SERPINI1: variants seen among roughly 807,000 people sequenced by gnomAD.
SERPINI1 encodes neuroserpin.
SERPINI1 carries 19 observed loss-of-function variants against 41.1 expected under a neutral mutation model. The ratio of observed to expected loss-of-function variants is 0.46; its 90% CI spans 0.32 to 0.68. The LOEUF (loss-of-function observed/expected upper bound fraction) is 0.68, where lower values mean the gene tolerates loss of function less well. Ranked by LOEUF, SERPINI1 falls within the 30% of genes least tolerant of loss-of-function variation. The pLI is 0.03. For synonymous variants in SERPINI1, 138 were observed against 156.6 expected (o/e 0.88, Z 0.89); for missense variants, 460 against 479.2 (o/e 0.96, Z 0.37).
chr3:167,787,215 T>C (rs1162725802), intron 1 of SERPINI1, among the ~76,000 whole-genome samples: 3 of 152,164 alleles, frequency 2.0e-5, no homozygotes, highest in Admixed American at 6.5e-5. Flanking sequence ...TCATCTCCTG[T>C]GATAACAATG....
intron 1 of SERPINI1, among the ~76,000 whole-genome samples, chr3:167,739,785 G>A (rs1360015442): frequency 6.6e-6 from 1 of 152,054 alleles, no homozygotes; most frequent in East Asian, 1.9e-4. Flanking sequence ...TTGGTCATTA[G>A]TTGTTTTTTG....
At chr3:167,738,615 A>G (rs373644722) in intron 1 of SERPINI1, among the ~76,000 whole-genome samples, 1 of 151,924 alleles carries the variant, frequency 6.6e-6, no homozygotes, top group Non-Finnish European at 1.5e-5. Context: ...ATTAATTTGT[A>G]GAGGCCTGTA....
chr3:167,806,490 A>C (rs1002760843), intron 5 of SERPINI1, among the ~76,000 whole-genome samples: 5 of 151,416 alleles, frequency 3.3e-5, no homozygotes, highest in African/African-American at 1.2e-4. Context: ...ACTTAAAGTA[A>C]AAAAAAAATT....
chr3:167,776,429 C>T (rs1254022413), intron 1 of SERPINI1, among the ~76,000 whole-genome samples: 3 of 152,190 alleles, frequency 2.0e-5, no homozygotes, highest in Admixed American at 2.0e-4. Flanking sequence ...TTTTGCTTTC[C>T]CCAGGCTTTT....
intron 1 of SERPINI1, among the ~76,000 whole-genome samples, chr3:167,775,381 C>T (rs1726935170): frequency 6.6e-6 from 1 of 151,540 alleles, no homozygotes; most frequent in African/African-American, 2.4e-5. Context: ...CCTGCCTCAG[C>T]CTCCAGAGTA....
At chr3:167,741,931 A>G (rs1210539892) in intron 1 of SERPINI1, among the ~76,000 whole-genome samples, 1 of 152,086 alleles carries the variant, frequency 6.6e-6, no homozygotes, top group East Asian at 1.9e-4. Context: ...TAAAAAAATT[A>G]TATTATGAGA....
At chr3:167,780,045 G>T (rs1727071448) in intron 1 of SERPINI1, among the ~76,000 whole-genome samples, 1 of 152,100 alleles carries the variant, frequency 6.6e-6, no homozygotes, top group Non-Finnish European at 1.5e-5. Flanking sequence ...TGGTTTCTTG[G>T]AGGAGAAAGA....
At chr3:167,750,313 CAT>C (rs1296041940) in intron 1 of SERPINI1, among the ~76,000 whole-genome samples, 2 of 152,256 alleles carry the variant, frequency 1.3e-5, no homozygotes, top group African/African-American at 4.8e-5. Context: ...CATTATGTAA[CAT>C]ATCTTCTTCC....
intron 1 of SERPINI1, among the ~76,000 whole-genome samples, chr3:167,746,057 C>G (rs987463629): frequency 3.3e-5 from 5 of 152,084 alleles, no homozygotes; most frequent in Non-Finnish European, 4.4e-5. Flanking sequence ...ACAAGTTGAA[C>G]TTAGGACTCA....
chr3:167,764,423 G>A (rs748222250), intron 1 of SERPINI1, among the ~76,000 whole-genome samples: 4 of 152,136 alleles, frequency 2.6e-5, no homozygotes. Flanking sequence ...TTGTGCAGGG[G>A]AACTCCTCTT....
chr3:167,753,573 G>A (rs888024247), intron 1 of SERPINI1, among the ~76,000 whole-genome samples: 1 of 152,130 alleles, frequency 6.6e-6, no homozygotes, highest in African/African-American at 2.4e-5. Flanking sequence ...GATTGGGGGT[G>A]GGGAGCAGTG....
At chr3:167,772,837 T>TCG (rs1726810032) in intron 1 of SERPINI1, among the ~76,000 whole-genome samples, 1 of 20,340 alleles carries the variant, frequency 4.9e-5, no homozygotes, top group African/African-American at 1.8e-4. Context: ...TCTCTCTCTC[T>TCG]CTCTCTCTCT....
At position 167,789,347 on chromosome 3, in the gene SERPINI1, C is replaced by G; in HGVS notation, c.219C>G (p.Arg73=). 6 of 1,614,138 alleles carry G rather than the reference C, an allele frequency of 3.7e-6. No individual in the cohort carries two copies. The highest frequency in any genetic ancestry group is 5.1e-6 in the Non-Finnish European group (6 of 1,179,992). ...GAQGSTQKEI[R]HSMGYDSLKN... ...AAGGATCTACCCAGAAAGAAATCCGCCACTCAATGGGATATGACAGCCTAA... is the reference window on the plus strand; with the variant it reads ...AAGGATCTACCCAGAAAGAAATCCGGCACTCAATGGGATATGACAGCCTAA... Residue 73 remains arginine, a synonymous_variant, in exon 2 of 9, where the codon CGC becomes CGG. Coordinates refer to ENST00000446050, the MANE Select transcript of SERPINI1 (RefSeq NM_001122752.2).
chr3:167,763,031 C>T (rs1726436545), intron 1 of SERPINI1, among the ~76,000 whole-genome samples: 1 of 151,958 alleles, frequency 6.6e-6, no homozygotes, highest in Non-Finnish European at 1.5e-5. Context: ...GGTAATCTAC[C>T]CAAAGTCCCC....
chr3:167,821,841 C>T (rs1302971213), intron 6 of SERPINI1, among the ~76,000 whole-genome samples: 2 of 152,146 alleles, frequency 1.3e-5, no homozygotes, highest in Admixed American at 6.5e-5. Context: ...AAGGAATTGG[C>T]TCATCATTAT....
chr3:167,812,215 T>C (rs1020662936), intron 6 of SERPINI1, among the ~76,000 whole-genome samples: 2 of 152,200 alleles, frequency 1.3e-5, no homozygotes, highest in African/African-American at 4.8e-5. Flanking sequence ...ACTGCCAAGA[T>C]TAATCGCCTT....
At chr3:167,774,702 T>C (rs1247246399) in intron 1 of SERPINI1, among the ~76,000 whole-genome samples, 3 of 152,086 alleles carry the variant, frequency 2.0e-5, no homozygotes, top group East Asian at 1.9e-4. Flanking sequence ...GGGATCTAGG[T>C]TGTGCACTCC....
rs981724990 is a variant in SERPINI1, at chr3:167,789,158, G to A, written c.30G>A (p.Leu10=). ...CTTTCCTTGGACTCTTCTCTTTGCT[G>A]GTTCTGCAAAGTATGGCTACAGGGG... is the stretch of plus-strand genomic sequence containing the variant. MAFLGLFSL[L]VLQSMATGAT... Residue 10 remains leucine, a synonymous_variant, in exon 2 of 9, where the codon CTG becomes CTA. Coordinates refer to ENST00000446050, the MANE Select transcript of SERPINI1 (RefSeq NM_001122752.2). 6.2e-7 allele frequency: 1 copy of A among 1,614,070 alleles called. No individual in the cohort carries two copies.
intron 6 of SERPINI1, among the ~76,000 whole-genome samples, chr3:167,811,755 G>A (rs958049062): frequency 6.6e-6 from 1 of 152,124 alleles, no homozygotes; most frequent in Non-Finnish European, 1.5e-5. Context: ...AGTGACTCAT[G>A]CCTGTAATTC....
Sources: gnomAD v4.1 joint callset for allele counts (sites outside exome capture counted in the v4.1 genomes callset) on GRCh38, gnomAD v4.1.1 for gene constraint, MANE v1.5 for transcripts, NCBI Gene and HGNC (gene_info 2026-07-23, HGNC 2026-07-21) for gene names.